The following TERF1 variants were observed in gnomAD, a reference collection of about 807,000 sequenced individuals.
TERF1 encodes the protein telomeric repeat-binding factor 1.
Under a neutral mutation model 55.1 loss-of-function variants are expected in TERF1, and 20 were observed. That is an observed-to-expected ratio of 0.36 (90% CI 0.26 to 0.53). The LOEUF is 0.53. TERF1 is among the 20% of genes least tolerant of loss of function. TERF1 has a pLI of 0.91. For missense variants in TERF1, 439 were observed against 535.7 expected (o/e 0.82, Z 1.78); for synonymous variants, 168 against 181.2 (o/e 0.93, Z 0.59).
intron 1 of TERF1, chr8:73,011,627 G>C (rs541847941): frequency 7.9e-5 from 12 of 152,382 alleles, no homozygotes; most frequent in African/African-American, 2.9e-4. Context: ...TCAATAACTT[G>C]TAGCTTTTAC....
intron 9 of TERF1, among the ~76,000 whole-genome samples, chr8:73,043,688 A>T (rs1363026824): frequency 6.6e-6 from 1 of 151,932 alleles, no homozygotes; most frequent in Non-Finnish European, 1.5e-5. Context: ...AACATACTGC[A>T]CCCAGGACCC....
intron 9 of TERF1, 69 bp downstream of exon 9, chr8:73,039,288 A>C: frequency 1.7e-6 from 2 of 1,167,466 alleles, no homozygotes; most frequent in Non-Finnish European, 2.4e-6. Flanking sequence ...AATTGTGATT[A>C]TTTCTGTTCA....
chr8:73,025,615 G>A (rs960076870), intron 5 of TERF1, among the ~76,000 whole-genome samples: 10 of 151,972 alleles, frequency 6.6e-5, no homozygotes, highest in African/African-American at 2.2e-4. Context: ...AAATTAGCTG[G>A]GTGTGGTGGC....
rs1185358132 is a variant in TERF1, at chr8:73,046,747, G to C, written c.*610G>C. 6.6e-6 allele frequency: 1 copy of C among 152,022 alleles called. No individual in the cohort carries two copies. Among genetic ancestry groups the C allele is most frequent in the Non-Finnish European group, 1.5e-5 (1 of 68,016 alleles). The allele number at this position is 152,022 out of a possible 1,614,324, so 9.4% of individuals were successfully genotyped here. On this transcript the variant is annotated 3_prime_UTR_variant, in exon 10 of 10. Transcript: ENST00000276603. ...CTGACTTCATGATCCACCCACCTCG[G>C]CCTCCCAAAGTGCTGAGATTACAGA... is the stretch of plus-strand genomic sequence containing the variant.
chr8:73,010,382 G>A (rs1022061036), intron 1 of TERF1: 3 of 152,160 alleles, frequency 2.0e-5, no homozygotes, highest in Non-Finnish European at 4.4e-5. Flanking sequence ...CTGGAATGAA[G>A]CTAGTTCCTC....
intron 8 of TERF1, among the ~76,000 whole-genome samples, chr8:73,037,671 T>A (rs1403067120): frequency 3.9e-5 from 3 of 76,778 alleles, no homozygotes; most frequent in Non-Finnish European, 4.6e-5. Flanking sequence ...AATAATATTA[T>A]ATTATATATA....
At chr8:73,034,791 T>TA (rs1240790177) in intron 8 of TERF1, among the ~76,000 whole-genome samples, 2 of 151,692 alleles carry the variant, frequency 1.3e-5, no homozygotes. Context: ...CTTTTTTTTT[T>TA]TATCATCTCC....
chr8:73,011,841 G>A (rs1808293339), intron 1 of TERF1: 1 of 151,458 alleles, frequency 6.6e-6, no homozygotes, highest in East Asian at 1.9e-4. Context: ...TTCTATCCAA[G>A]TCAAACTTTC....
intron 9 of TERF1, among the ~76,000 whole-genome samples, chr8:73,044,035 A>G (rs1809936827): frequency 1.3e-5 from 2 of 152,208 alleles, no homozygotes; most frequent in Admixed American, 1.3e-4. Context: ...ATATGACCCC[A>G]AAGATTAATA....
At chr8:73,019,363 TAGC>T (rs1808652248) in intron 2 of TERF1, among the ~76,000 whole-genome samples, 1 of 152,242 alleles carries the variant, frequency 6.6e-6, no homozygotes, top group Admixed American at 6.5e-5. Flanking sequence ...TAGTAAATGT[TAGC>T]ACCATTTATC....
In TERF1 at chr8:73,045,058, G is replaced by A. The variant is rs572964813; in HGVS notation, c.1144-903G>A. On this transcript the variant is annotated intron_variant, in intron 9 of 9. Coordinates refer to ENST00000276603, the MANE Select transcript of TERF1 (RefSeq NM_017489.3). ...TATGTACCCAGAAGTGGAATTGCTG[G>A]ATCATATGGTAGTCCTTTTAAAAAA... Among the ~76,000 whole-genome samples the A allele has an allele frequency of 2.0e-5, 3 of 152,218 alleles. No individual in the cohort carries two copies. In the South Asian group the frequency reaches 6.2e-4, roughly 32 times the overall value.
intron 9 of TERF1, among the ~76,000 whole-genome samples, chr8:73,044,117 G>A (rs900914596): frequency 6.6e-6 from 1 of 152,248 alleles, no homozygotes; most frequent in South Asian, 2.1e-4. Flanking sequence ...CTTGGTTTTT[G>A]TCAGTTAATG....
rs565915879 is a variant in TERF1 at position 73,040,876 on chromosome 8, A to T, written c.1143+1657A>T. On this transcript the variant is annotated intron_variant, in intron 9 of 9. Coordinates refer to ENST00000276603, the MANE Select transcript of TERF1 (RefSeq NM_017489.3). Reference sequence around the variant, plus strand: ...CTGATTCTTTCTTCAGCTGTGTTTAATCTGCTTATGAGCCCATCAGAGGCA... The same window carrying T: ...CTGATTCTTTCTTCAGCTGTGTTTATTCTGCTTATGAGCCCATCAGAGGCA... Among the ~76,000 whole-genome samples, 4 of 152,146 alleles carry T rather than the reference A, an allele frequency of 2.6e-5. No homozygotes were observed. The East Asian group carries it at 7.7e-4, about 29-fold the overall frequency.
intron 9 of TERF1, among the ~76,000 whole-genome samples, chr8:73,040,075 C>T (rs950105357): frequency 4.0e-5 from 6 of 148,652 alleles, no homozygotes; most frequent in Non-Finnish European, 7.4e-5. Flanking sequence ...TCAAGTTGCA[C>T]GCTACTCGGA....
intron 1 of TERF1, 36 bp from the exon 2 acceptor site, chr8:73,013,859 T>C (rs758880809): frequency 7.0e-6 from 10 of 1,420,152 alleles, no homozygotes; most frequent in Non-Finnish European, 7.9e-6. Context: ...TGGATCAAGT[T>C]TGATTTTAAT....
At chr8:73,038,670 T>C (rs925454867) in intron 8 of TERF1, 8 of 627,690 alleles carry the variant, frequency 1.3e-5, no homozygotes, top group Non-Finnish European at 1.6e-5. Flanking sequence ...TAAACAATTA[T>C]CATTTTTCAG....
intron 2 of TERF1, chr8:73,018,846 T>G (rs1183551238): frequency 6.6e-6 from 1 of 152,174 alleles, no homozygotes; most frequent in Non-Finnish European, 1.5e-5. Flanking sequence ...GTAAGAAGTT[T>G]TTTGTCTTCA....
chr8:73,031,188 ATAGTT>A (rs1809266059), intron 7 of TERF1: 1 of 152,228 alleles, frequency 6.6e-6, no homozygotes, highest in African/African-American at 2.4e-5. Context: ...CTGGAGTCCT[ATAGTT>A]TATGGAGGGT....
Position 73,009,098 on chromosome 8 carries a change from A to C in TERF1, c.212A>C (p.Glu71Ala). 6.2e-7 allele frequency: 1 copy of C among 1,610,246 alleles called. No homozygotes were observed. Among genetic ancestry groups the C allele is most frequent in the Non-Finnish European group, 8.5e-7 (1 of 1,179,120 alleles). The change falls in exon 1 of 10, where the codon GAG becomes GCG. Residue 71 changes from glutamate (E) to alanine (A), a missense_variant. Glu to Ala is a moderately radical substitution (Grantham distance 107, BLOSUM62 -1). Coordinates refer to ENST00000276603, the MANE Select transcript of TERF1 (RefSeq NM_017489.3). ...GACGCGGGCCTGGTGGCCGAGGCCG[A>C]GGCCGTGGCTGCCGGCTGGATGCTC... ...EEDAGLVAEA[E>A]AVAAGWMLDF... is the part of the protein sequence containing the mutation.
Sources: allele counts gnomAD v4.1 joint callset (sites outside exome capture counted in the v4.1 genomes callset), GRCh38; gene constraint gnomAD v4.1.1; transcripts MANE v1.5; gene names NCBI Gene and HGNC (gene_info 2026-07-23, HGNC 2026-07-21).